CAPZB: variants seen among roughly 807,000 people sequenced by gnomAD.
CAPZB encodes the protein capping actin protein of muscle Z-line subunit beta.
CAPZB carries 2 observed loss-of-function variants against 38.1 expected under a neutral mutation model. The observed-to-expected ratio is 0.05, with a 90% CI of 0.02 to 0.17. CAPZB has a LOEUF of 0.17. CAPZB is among the 10% of genes least tolerant of loss of function. The pLI is 1.00. For synonymous variants in CAPZB, 107 were observed against 127.4 expected (o/e 0.84, Z 1.08); for missense variants, 161 against 334.2 (o/e 0.48, Z 4.04).
intron 1 of CAPZB, chr1:19,448,816 A>T (rs774483423): frequency 7.3e-5 from 118 of 1,612,530 alleles, no homozygotes; most frequent in Non-Finnish European, 9.8e-5. Context: ...CCCCCCTCAG[A>T]TCTAAAGTGC....
intron 2 of CAPZB, among the ~76,000 whole-genome samples, chr1:19,410,314 G>T (rs2094351677): frequency 6.6e-6 from 1 of 152,238 alleles, no homozygotes; most frequent in Non-Finnish European, 1.5e-5. Flanking sequence ...ATGCCACCTA[G>T]AAATAAGCTC....
At position 19,395,249 on chromosome 1, in the gene CAPZB, G is replaced by A. The variant is rs778197758; in HGVS notation, c.94-9623C>T. 3.2e-4 allele frequency among the ~76,000 whole-genome samples: 48 copies of A among 152,174 alleles called. 1 individual carries two copies. The highest frequency in any genetic ancestry group is 5.7e-4 in the Non-Finnish European group (39 of 68,042). On this transcript the variant is annotated intron_variant, in intron 2 of 8. Transcript: ENST00000264202. ...GGGTTTAATACAACTGAGGCTGGCC[G>A]AGAGGGCCAACATTAGGAAGCCATT...
At position 19,420,071 on chromosome 1, in the gene CAPZB, G is replaced by C. The variant is rs376944371; in HGVS notation, c.4-321C>G. Reference sequence around the variant, plus strand: ...ACAGGCCCTGGTGGCTGCAGATGTCGTGCCCCCCAGTTGGTTCCATGGTGA... The same window carrying C: ...ACAGGCCCTGGTGGCTGCAGATGTCCTGCCCCCCAGTTGGTTCCATGGTGA... On this transcript the variant is annotated intron_variant, in intron 1 of 8. Coordinates refer to ENST00000264202, the MANE Select transcript of CAPZB (RefSeq NM_004930.5). The C allele has an allele frequency of 1.7e-5, 5 of 286,420 alleles. No homozygotes were observed. In the Admixed American group the frequency reaches 2.0e-4, roughly 11 times the overall value. The allele number at this position is 286,420 out of a possible 1,614,324, so 17.7% of individuals were successfully genotyped here.
Position 19,415,758 on chromosome 1 carries a change from C to T in CAPZB, c.93+3903G>A, listed in dbSNP as rs552337491. The stretch of plus-strand genomic sequence containing the variant: ...TTCGCCATGTTGGCCAGGCTGGTCT[C>T]GAACTCCTGGCCTCAAGTTATCCAC... On this transcript the variant is annotated intron_variant, in intron 2 of 8. Coordinates refer to ENST00000264202, the MANE Select transcript of CAPZB (RefSeq NM_004930.5). 2.3e-3 allele frequency among the ~76,000 whole-genome samples: 350 copies of T among 152,308 alleles called. 2 individuals are homozygous for T. The highest frequency in any genetic ancestry group is 8.3e-3 in the African/African-American group (346 of 41,574).
chr1:19,390,586 G>A (rs541366054), intron 2 of CAPZB, among the ~76,000 whole-genome samples: 1 of 152,300 alleles, frequency 6.6e-6, no homozygotes, highest in Admixed American at 6.5e-5. Context: ...TTCCTCTGCT[G>A]CCACAGGAGT....
At chr1:19,360,076 T>G (rs2094044716) in intron 4 of CAPZB, among the ~76,000 whole-genome samples, 1 of 152,210 alleles carries the variant, frequency 6.6e-6, no homozygotes, top group South Asian at 2.1e-4. Flanking sequence ...AGGGATGGAC[T>G]GCCCCTGCTG....
At chr1:19,361,931 T>C (rs1422453618) in intron 4 of CAPZB, among the ~76,000 whole-genome samples, 4 of 152,226 alleles carry the variant, frequency 2.6e-5, no homozygotes, top group Non-Finnish European at 4.4e-5. Flanking sequence ...CGCCAGCGAC[T>C]CACTCTCAGG....
chr1:19,340,558 G>A (rs1454465103), intron 8 of CAPZB, among the ~76,000 whole-genome samples: 2 of 152,196 alleles, frequency 1.3e-5, no homozygotes, highest in East Asian at 1.9e-4. Flanking sequence ...CCGGCCGGAT[G>A]TGGTGGCTCA....
intron 1 of CAPZB, among the ~76,000 whole-genome samples, chr1:19,477,012 C>T (rs1041787392): frequency 1.3e-5 from 2 of 152,232 alleles, no homozygotes; most frequent in Non-Finnish European, 2.9e-5. Context: ...CAAGTTACTA[C>T]ACCTCTCTGA....
At position 19,339,434 on chromosome 1, in the gene CAPZB, G is replaced by A; in HGVS notation, c.*96C>T. The A allele has an allele frequency of 3.4e-6, 3 of 883,630 alleles. No homozygotes were observed. Among genetic ancestry groups the A allele is most frequent in the South Asian group, 1.3e-5 (1 of 75,386 alleles). The allele number at this position is 883,630 out of a possible 1,614,324, so 54.7% of individuals were successfully genotyped here. Reference sequence around the variant, plus strand: ...GATGCAGCTGTTATGTGACCTGTCGGGGAGGGAAGGGACGAGGGAAGGGAG... The same window carrying A: ...GATGCAGCTGTTATGTGACCTGTCGAGGAGGGAAGGGACGAGGGAAGGGAG... On this transcript the variant is annotated 3_prime_UTR_variant, in exon 9 of 9. Coordinates refer to ENST00000264202, the MANE Select transcript of CAPZB (RefSeq NM_004930.5).
chr1:19,415,234 C>G (rs2094373857), intron 2 of CAPZB, among the ~76,000 whole-genome samples: 1 of 152,244 alleles, frequency 6.6e-6, no homozygotes, highest in Non-Finnish European at 1.5e-5. Flanking sequence ...ACAATCTCCC[C>G]CCCTTCATTA....
intron 3 of CAPZB, among the ~76,000 whole-genome samples, chr1:19,379,722 T>C (rs192577769): frequency 6.6e-6 from 1 of 152,220 alleles, no homozygotes; most frequent in Non-Finnish European, 1.5e-5. Flanking sequence ...TTTTGCCACA[T>C]CAGGAAAGCA....
chr1:19,428,307 G>C (rs946763643), intron 1 of CAPZB, among the ~76,000 whole-genome samples: 1 of 152,088 alleles, frequency 6.6e-6, no homozygotes, highest in African/African-American at 2.4e-5. Flanking sequence ...GGAGGCTGAG[G>C]CAGGAGAATC....
Position 19,405,153 on chromosome 1 carries a change from C to G in CAPZB, c.93+14508G>C, listed in dbSNP as rs535640401. Among the ~76,000 whole-genome samples, 3 of 152,284 alleles carry G rather than the reference C, an allele frequency of 2.0e-5. No individual in the cohort carries two copies. The East Asian group carries it at 5.8e-4, about 29-fold the overall frequency. ...ATCTCTGGGTCTCAGATCACACAGC[C>G]TAGAATGTCTAATGTGGACTCCCCT... On this transcript the variant is annotated intron_variant, in intron 2 of 8. Coordinates refer to ENST00000264202, the MANE Select transcript of CAPZB (RefSeq NM_004930.5).
Position 19,422,448 on chromosome 1 carries a change from C to T in CAPZB, c.4-2698G>A, listed in dbSNP as rs114126631. On this transcript the variant is annotated intron_variant, in intron 1 of 8. Transcript: ENST00000264202. The stretch of plus-strand genomic sequence containing the variant: ...CCCTCAGGAAGACTGCACATGCAGG[C>T]AAACGTTTTATATATAATTCTAATT... Among the ~76,000 whole-genome samples, 950 of 152,196 alleles carry T rather than the reference C, an allele frequency of 6.2e-3. 13 individuals are homozygous for T. The highest frequency in any genetic ancestry group is 0.023 in the South Asian group (111 of 4,816).
chr1:19,356,506 A>C lies in CAPZB; in HGVS notation c.588+129T>G. The C allele has an allele frequency of 1.3e-6, 1 of 751,806 alleles. No homozygotes were observed. Among genetic ancestry groups the C allele is most frequent in the Non-Finnish European group, 2.4e-6 (1 of 412,430 alleles). 46.6% of individuals were successfully genotyped at this position (751,806 alleles called of 1,614,324 possible). A position where few individuals can be genotyped will look rare whatever the true frequency, so the allele number is the denominator to read the frequency against. On this transcript the variant is annotated intron_variant, in intron 6 of 8. Transcript: ENST00000264202. This position sits in a 1 kb window ranked among gnomAD's most constrained non-coding sequence, Gnocchi z 4.3. ...TATTTGAAAATGCAAAGCCCTACTT[A>C]GATGGTGGATTTATAGCTGGCTGAA...
At chr1:19,385,383 G>A (rs954698346) in intron 3 of CAPZB, 122 bp downstream of exon 3, 25 of 1,075,064 alleles carry the variant, frequency 2.3e-5, no homozygotes, top group South Asian at 1.6e-4. Context: ...GGGAACAAAC[G>A]GAAGGAAAGC....
chr1:19,484,644 G>A (rs577102540), intron 1 of CAPZB: 1 of 1,168,374 alleles, frequency 8.6e-7, no homozygotes, highest in East Asian at 6.1e-5. Context: ...CTGCAAAGAA[G>A]GCGCGCCCCA....
intron 4 of CAPZB, among the ~76,000 whole-genome samples, chr1:19,377,996 G>A (rs1325376134): frequency 1.3e-5 from 2 of 152,222 alleles, no homozygotes; most frequent in Middle Eastern, 3.2e-3. Context: ...AGGCCCCTGA[G>A]CTCCAGGTCA....
Sources: gnomAD v4.1 joint callset for allele counts (sites outside exome capture counted in the v4.1 genomes callset) on GRCh38, gnomAD v4.1.1 for gene constraint, Gnocchi (gnomAD v3.1) non-coding constraint, MANE v1.5 for transcripts, NCBI Gene and HGNC (gene_info 2026-07-23, HGNC 2026-07-21) for gene names.